Variants in PIEZO1 observed in about 807,000 individuals in gnomAD.
PIEZO1 encodes piezo type mechanosensitive ion channel component 1 (Er blood group).
Under a neutral mutation model 297.2 loss-of-function variants are expected in PIEZO1, and 296 were observed. The ratio of observed to expected loss-of-function variants is 1.00; its 90% CI spans 0.91 to 1.10. The LOEUF (loss-of-function observed/expected upper bound fraction) is 1.10, where lower values mean the gene tolerates loss of function less well. Among genes scored for constraint, PIEZO1 ranks in the 50% least tolerant of loss-of-function variants. The pLI is 0.00. For synonymous variants in PIEZO1, 2,427 were observed against 1,507.5 expected (o/e 1.61, Z -14.13); for missense variants, 5,018 against 3,455.5 (o/e 1.45, Z -11.34).
Position 88,717,955 on chromosome 16 carries a change from C to T in PIEZO1, c.6472-744G>A, listed in dbSNP as rs572188341. ...AAGACTAGCCAGGCCTGGTGGTGCA[C>T]ACCTGTAGTCCCAGCTACTCGGGAG... On this transcript the variant is annotated intron_variant, in intron 44 of 50. Coordinates refer to ENST00000301015, the MANE Select transcript of PIEZO1 (RefSeq NM_001142864.4). The T allele has an allele frequency of 2.2e-5, 8 of 356,032 alleles. No individual in the cohort carries two copies. The East Asian group carries it at 5.4e-4, about 24-fold the overall frequency. 22.1% of individuals were successfully genotyped at this position (356,032 alleles called of 1,614,324 possible). A position where few individuals can be genotyped will look rare whatever the true frequency, so the allele number is the denominator to read the frequency against.
chr16:88,723,980 A>G lies in PIEZO1; in HGVS notation c.4235-9T>C, dbSNP rs760559874. On this transcript the variant is annotated splice_polypyrimidine_tract_variant and intron_variant, in intron 30 of 50. Transcript: ENST00000301015. The stretch of plus-strand genomic sequence containing the variant: ...GTCCCCGGAGTGGATGACTGTGGGC[A>G]GGCAGCACTGAGAGCCAGCCTTCCA... 2 of 1,501,052 alleles carry G rather than the reference A, an allele frequency of 1.3e-6. No individual in the cohort carries two copies. Among genetic ancestry groups the G allele is most frequent in the East Asian group, 2.5e-5 (1 of 40,676 alleles). 93.0% of individuals were successfully genotyped at this position (1,501,052 alleles called of 1,614,324 possible). A position where few individuals can be genotyped will look rare whatever the true frequency, so the allele number is the denominator to read the frequency against.
In PIEZO1 at chr16:88,727,667, G is replaced by T; in HGVS notation, c.3197-6C>A. The T allele has an allele frequency of 7.0e-7, 1 of 1,422,248 alleles. No individual in the cohort carries two copies. 88.1% of individuals were successfully genotyped at this position (1,422,248 alleles called of 1,614,324 possible). ...GCTCCAGCGCCAGGGATAATCTGGG[G>T]GAAGGGGTGTCATGTCAGGAAGGGC... On this transcript the variant is annotated splice_polypyrimidine_tract_variant and splice_region_variant and intron_variant, in intron 22 of 50. Coordinates refer to ENST00000301015, the MANE Select transcript of PIEZO1 (RefSeq NM_001142864.4).
intron 1 of PIEZO1, among the ~76,000 whole-genome samples, chr16:88,757,376 C>T (rs1313483957): frequency 1.3e-5 from 2 of 150,322 alleles, no homozygotes; most frequent in African/African-American, 2.5e-5. Context: ...TTAAAAGGCT[C>T]CAATGACAGT....
intron 24 of PIEZO1, 24 bp downstream of exon 24, chr16:88,727,015 C>T (rs975410458): frequency 5.7e-5 from 89 of 1,548,224 alleles, no homozygotes; most frequent in Non-Finnish European, 7.3e-5. Context: ...GAAGGTTCCC[C>T]GTGGAGGGTG....
chr16:88,721,646 G>A lies in PIEZO1; in HGVS notation c.5295C>T (p.Asn1765=). The change falls in exon 38 of 51, where the codon AAC becomes AAT. Residue 1765 remains asparagine (N), a synonymous_variant. Transcript: ENST00000301015. ...NSHVVLRRYE[N]KPYFPPRILG... ...GGATGCGGGGCGGGAAGTAGGGCTT[G>A]TTCTCGTAGCGCCGCAGCACCACGT... is the stretch of plus-strand genomic sequence containing the variant. The A allele has an allele frequency of 6.5e-7, 1 of 1,550,158 alleles. No individual in the cohort carries two copies. Among genetic ancestry groups the A allele is most frequent in the Non-Finnish European group, 8.7e-7 (1 of 1,146,850 alleles).
intron 1 of PIEZO1, among the ~76,000 whole-genome samples, chr16:88,750,455 C>T (rs529793892): frequency 6.6e-5 from 10 of 152,390 alleles, no homozygotes; most frequent in South Asian, 4.1e-4. Flanking sequence ...TCTGCGTGGC[C>T]GCACTCGCCA....
chr16:88,742,240 C>A, intron 3 of PIEZO1, 60 bp downstream of exon 3: 1 of 1,511,164 alleles, frequency 6.6e-7, no homozygotes, highest in Non-Finnish European at 8.8e-7. Context: ...GGGGTCACTG[C>A]AGGGCCCTCT....
At position 88,731,761 on chromosome 16, in the gene PIEZO1, C is replaced by T. The variant is rs1398591506; in HGVS notation, c.3141G>A (p.Leu1047=). ...LWPNYCLFLA[L]FLLYQYLLCL... ...ACAGCAGGTACTGGTACAGCAGGAA[C>T]AGCGCCAGGAAGAGGCAGTAGTTGG... The change falls in exon 22 of 51, where the codon CTG becomes CTA. Residue 1047 remains leucine (L), a synonymous_variant. Coordinates refer to ENST00000301015, the MANE Select transcript of PIEZO1 (RefSeq NM_001142864.4). 5.8e-6 allele frequency: 9 copies of T among 1,549,818 alleles called. No homozygotes were observed. The South Asian group carries it at 7.1e-5, about 12-fold the overall frequency.
At position 88,733,653 on chromosome 16, in the gene PIEZO1, G is replaced by T. The variant is rs575029658; in HGVS notation, c.2422C>A (p.Arg808=). The T allele has an allele frequency of 1.3e-6, 2 of 1,549,628 alleles. No individual in the cohort carries two copies. Among genetic ancestry groups the T allele is most frequent in the East Asian group, 2.4e-5 (1 of 40,924 alleles). The change falls in exon 18 of 51, where the codon CGG becomes AGG. Residue 808 remains arginine, a synonymous_variant. Coordinates refer to ENST00000301015, the MANE Select transcript of PIEZO1 (RefSeq NM_001142864.4). ...TTGAAAACGTGAAGCTCCAGCAGCC[G>T]CCGCAGGAACACCTGCACGCGTGAG... The part of the protein sequence containing the change: ...VLSRVQVFLR[R]LLELHVFKLV...
intron 2 of PIEZO1, chr16:88,742,688 C>A: frequency 2.1e-6 from 1 of 484,660 alleles, no homozygotes; most frequent in Non-Finnish European, 3.7e-6. Flanking sequence ...AAAGGCCTCC[C>A]AGGCTCAGAG....
chr16:88,733,810 G>C, intron 17 of PIEZO1, 65 bp from the exon 18 acceptor site: 1 of 1,472,346 alleles, frequency 6.8e-7, no homozygotes, highest in South Asian at 1.4e-5. Flanking sequence ...GTGAGGAAGA[G>C]GCTCTGGAGC....
In PIEZO1 at chr16:88,747,015, G is replaced by A. The variant is rs144177681; in HGVS notation, c.160+2369C>T. On this transcript the variant is annotated intron_variant, in intron 2 of 50. Transcript: ENST00000301015. ...CCCCAGCGACTCCCAGCACTCGGCCGCACTGGGCCCCTCCCAAAATGCCTC... is the reference window on the plus strand; with the variant it reads ...CCCCAGCGACTCCCAGCACTCGGCCACACTGGGCCCCTCCCAAAATGCCTC... 3.7e-4 allele frequency among the ~76,000 whole-genome samples: 56 copies of A among 152,264 alleles called. 2 individuals are homozygous for A. The East Asian group carries it at 0.01, about 28-fold the overall frequency.
rs773861214 is a variant in PIEZO1, at chr16:88,731,893, G to C, written c.3009C>G (p.Ala1003=). 68 of 1,475,042 alleles carry C rather than the reference G, an allele frequency of 4.6e-5. No individual in the cohort carries two copies. The highest frequency in any genetic ancestry group is 5.8e-5 in the Non-Finnish European group (65 of 1,112,198). The allele number at this position is 1,475,042 out of a possible 1,614,324, so 91.4% of individuals were successfully genotyped here. The part of the protein sequence containing the change: ...KFGLEICFLM[A]VNVIGQRMNF... ...TCATGCGCTGCCCGATCACGTTCAC[G>C]GCCATCAGGAAGCAGATCTGGGGAG... Residue 1003 remains alanine, a synonymous_variant, in exon 22 of 51, where the codon GCC becomes GCG. Coordinates refer to ENST00000301015, the MANE Select transcript of PIEZO1 (RefSeq NM_001142864.4).
chr16:88,736,178 G>A lies in PIEZO1; in HGVS notation c.1527C>T (p.Thr509=). 1.9e-6 allele frequency: 3 copies of A among 1,548,762 alleles called. No individual in the cohort carries two copies. Among genetic ancestry groups the A allele is most frequent in the South Asian group, 1.2e-5 (1 of 83,962 alleles). The change falls in exon 12 of 51, where the codon ACC becomes ACT. Residue 509 remains threonine (T), a synonymous_variant. Coordinates refer to ENST00000301015, the MANE Select transcript of PIEZO1 (RefSeq NM_001142864.4). ...VSLRQLGLEH[T]RYPCLDLGAM... is the part of the protein sequence containing the mutation. The stretch of plus-strand genomic sequence containing the variant: ...CACCAAGGTCCAGACAGGGGTAGCG[G>A]GTGTGCTCCAGCCCCAGCTGGCGCA...
intron 1 of PIEZO1, among the ~76,000 whole-genome samples, chr16:88,759,432 C>G (rs374399013): frequency 6.6e-6 from 1 of 152,220 alleles, no homozygotes; most frequent in African/African-American, 2.4e-5. Flanking sequence ...CAGCTGCCCT[C>G]CCCCTGGCCT....
intron 1 of PIEZO1, among the ~76,000 whole-genome samples, chr16:88,756,880 T>G (rs866785925): frequency 3.3e-5 from 5 of 151,596 alleles, no homozygotes; most frequent in Admixed American, 6.6e-5. Flanking sequence ...ATCGAGACCA[T>G]CCTGGCCAAC....
intron 27 of PIEZO1, 119 bp from the exon 28 acceptor site, chr16:88,725,803 C>T (rs564256454): frequency 4.2e-5 from 27 of 644,798 alleles, no homozygotes; most frequent in Middle Eastern, 4.0e-4. Flanking sequence ...CCACGCTGGA[C>T]AAGAGGCACC....
Position 88,733,907 on chromosome 16 carries a change from T to C in PIEZO1, c.2328A>G (p.Glu776=). 1 of 1,497,080 alleles carries C rather than the reference T, an allele frequency of 6.7e-7. No individual in the cohort carries two copies. Among genetic ancestry groups the C allele is most frequent in the Non-Finnish European group, 9.0e-7 (1 of 1,116,290 alleles). The allele number at this position is 1,497,080 out of a possible 1,614,324, so 92.7% of individuals were successfully genotyped here. ...CTGTGCTCTGCCCGCCCAACCCACC[T>C]TCAGGCACCTGCGTGGCCTGGTGGG... The part of the protein sequence containing the change: ...ATPHQATQVP[E]GAAKWGLVAE... The change falls in exon 17 of 51, where the codon GAA becomes GAG. Residue 776 remains glutamate (E), a splice_region_variant and synonymous_variant. Transcript: ENST00000301015.
chr16:88,733,507 G>C, intron 18 of PIEZO1, 53 bp from the exon 19 acceptor site: 2 of 1,532,124 alleles, frequency 1.3e-6, no homozygotes, highest in Non-Finnish European at 1.8e-6. Flanking sequence ...TGGGCACGTG[G>C]GGCTGGGCTT....
Sources: allele counts gnomAD v4.1 joint callset (sites outside exome capture counted in the v4.1 genomes callset), GRCh38; gene constraint gnomAD v4.1.1; transcripts MANE v1.5; gene names NCBI Gene and HGNC (gene_info 2026-07-23, HGNC 2026-07-21).